Variants in GALNTL6 observed in about 807,000 individuals in gnomAD.
GALNTL6 encodes polypeptide N-acetylgalactosaminyltransferase like 6, also known as polypeptide N-acetylgalactosaminyltransferase-like 6.
In GALNTL6, 46 loss-of-function variants were observed where a neutral mutation model predicts 73.7. The ratio of observed to expected loss-of-function variants is 0.62; its 90% CI spans 0.49 to 0.80. The LOEUF is 0.80. Among genes scored for constraint, GALNTL6 ranks in the 30% least tolerant of loss-of-function variants. The pLI, the probability that GALNTL6 is intolerant of heterozygous loss-of-function variation, is 0.00. For synonymous variants in GALNTL6, 259 were observed against 263.7 expected (o/e 0.98, Z 0.17); for missense variants, 604 against 755.0 (o/e 0.80, Z 2.34).
chr4:172,144,115 C>T (rs143495590), intron 2 of GALNTL6, among the ~76,000 whole-genome samples: 43 of 152,210 alleles, frequency 2.8e-4, no homozygotes, highest in African/African-American at 9.9e-4. Context: ...GAATACAAGC[C>T]AGTAGATAAA....
At chr4:172,588,540 A>AG (rs202165934) in intron 5 of GALNTL6, among the ~76,000 whole-genome samples, 4,637 of 152,072 alleles carry the variant, frequency 0.03, 109 homozygotes, top group South Asian at 0.088. Context: ...CTCAAAAAAA[A>AG]AAAAAAGAAA....
intron 2 of GALNTL6, among the ~76,000 whole-genome samples, chr4:171,922,971 T>G (rs79349721): frequency 0.034 from 5,212 of 152,158 alleles, 270 homozygotes; most frequent in African/African-American, 0.11. Flanking sequence ...AAACCCCAAA[T>G]TACTTCATTG....
At chr4:172,323,290 A>G (rs1740822324) in intron 4 of GALNTL6, among the ~76,000 whole-genome samples, 1 of 152,162 alleles carries the variant, frequency 6.6e-6, no homozygotes, top group African/African-American at 2.4e-5. Context: ...AGACCTGTCA[A>G]AAGCAAAATA....
intron 5 of GALNTL6, among the ~76,000 whole-genome samples, chr4:172,429,268 G>A (rs939697156): frequency 1.0e-4 from 15 of 149,790 alleles, no homozygotes; most frequent in African/African-American, 3.7e-4. Flanking sequence ...CTGGTGTGCA[G>A]TGGCGTGATC....
At chr4:171,945,744 C>A (rs1035648453) in intron 2 of GALNTL6, among the ~76,000 whole-genome samples, 1 of 152,054 alleles carries the variant, frequency 6.6e-6, no homozygotes, top group South Asian at 2.1e-4. Flanking sequence ...GGAAGGTACA[C>A]TGCAAGCAAA....
chr4:172,722,575 G>T (rs796556907), intron 5 of GALNTL6, among the ~76,000 whole-genome samples: 7 of 151,874 alleles, frequency 4.6e-5, no homozygotes, highest in African/African-American at 1.7e-4. Context: ...AAATGCATGT[G>T]AATATACACA....
chr4:172,177,819 G>GCACACACATATATGTGTGTA (rs1735088104), intron 2 of GALNTL6, among the ~76,000 whole-genome samples: 1 of 131,390 alleles, frequency 7.6e-6, no homozygotes, highest in Non-Finnish European at 1.6e-5. Context: ...ATATGTGTGT[G>GCACACACATATATGTGTGTA]TATATATACA....
At chr4:172,071,779 T>A (rs537346940) in intron 2 of GALNTL6, among the ~76,000 whole-genome samples, 1 of 41,316 alleles carries the variant, frequency 2.4e-5, no homozygotes, top group Non-Finnish European at 5.9e-5. Context: ...TGGGAAAGCT[T>A]TATTATGGAA....
At chr4:172,841,432 G>C (rs997091660) in intron 7 of GALNTL6, among the ~76,000 whole-genome samples, 6 of 152,118 alleles carry the variant, frequency 3.9e-5, no homozygotes, top group African/African-American at 1.4e-4. Flanking sequence ...CTACTATTTG[G>C]TTCCCAGGCA....
At chr4:172,465,464 G>A (rs746813104) in intron 5 of GALNTL6, among the ~76,000 whole-genome samples, 3 of 151,592 alleles carry the variant, frequency 2.0e-5, no homozygotes, top group African/African-American at 7.3e-5. Context: ...GCGACAGAGC[G>A]AGAATCCGTC....
chr4:172,321,815 CAT>C (rs1269865146), intron 4 of GALNTL6, among the ~76,000 whole-genome samples: 1 of 152,122 alleles, frequency 6.6e-6, no homozygotes, highest in Non-Finnish European at 1.5e-5. Context: ...AGGCAACCAT[CAT>C]GTGATGGTCA....
In GALNTL6 at chr4:172,926,424, A is replaced by G. The variant is rs17059027; in HGVS notation, c.1042-4737A>G. Among the ~76,000 whole-genome samples the G allele has an allele frequency of 8.5e-3, 1,300 of 152,270 alleles. 22 individuals carry two copies. The highest frequency in any genetic ancestry group is 0.028 in the African/African-American group (1,145 of 41,540). On this transcript the variant is annotated intron_variant, in intron 8 of 12. Transcript: ENST00000506823. ...TATTACGGCACTTTTCATTCCGCAA[A>G]TACTCTCCTAAGATGCATTTAGTTC...
At chr4:172,557,098 C>T (rs1033402649) in intron 5 of GALNTL6, among the ~76,000 whole-genome samples, 1 of 152,066 alleles carries the variant, frequency 6.6e-6, no homozygotes, top group Non-Finnish European at 1.5e-5. Flanking sequence ...ACTTATGTAA[C>T]CCTTTCGTTG....
chr4:172,834,056 G>T (rs1365200581), intron 7 of GALNTL6, among the ~76,000 whole-genome samples: 1 of 152,212 alleles, frequency 6.6e-6, no homozygotes, highest in Non-Finnish European at 1.5e-5. Flanking sequence ...GACGGAGGTT[G>T]CAGTGAGCTG....
chr4:172,843,706 A>G (rs1743340957), intron 7 of GALNTL6, among the ~76,000 whole-genome samples: 1 of 152,222 alleles, frequency 6.6e-6, no homozygotes, highest in Admixed American at 6.5e-5. Flanking sequence ...ATGCATCACA[A>G]AAGAAATGAC....
intron 12 of GALNTL6, among the ~76,000 whole-genome samples, chr4:173,035,180 C>CT (rs5864181): frequency 0.32 from 43,230 of 136,494 alleles, 7,300 homozygotes; most frequent in African/African-American, 0.4. Context: ...GTGCCATGCT[C>CT]TTTTTTTTTT....
intron 5 of GALNTL6, among the ~76,000 whole-genome samples, chr4:172,448,325 A>ATT (rs1732098537): frequency 6.6e-6 from 1 of 152,182 alleles, no homozygotes; most frequent in Admixed American, 6.6e-5. Flanking sequence ...CTCAGCAATC[A>ATT]TTTTAATGCT....
At chr4:172,099,638 T>C (rs1172317607) in intron 2 of GALNTL6, among the ~76,000 whole-genome samples, 1 of 152,154 alleles carries the variant, frequency 6.6e-6, no homozygotes, top group African/African-American at 2.4e-5. Flanking sequence ...TCTTTAAATT[T>C]TCTTCTGGCT....
At position 171,859,277 on chromosome 4, in the gene GALNTL6, A is replaced by G. The variant is rs147906274; in HGVS notation, c.138+44559A>G. On this transcript the variant is annotated intron_variant, in intron 2 of 12. Transcript: ENST00000506823. ...ACAGTGGTTATCCAGGCAGTTCATA[A>G]TATGCTTATTGTGTTATTTATATTT... is the stretch of plus-strand genomic sequence containing the variant. 5.5e-3 allele frequency among the ~76,000 whole-genome samples: 840 copies of G among 152,326 alleles called. 8 individuals carry two copies. Among genetic ancestry groups the G allele is most frequent in the Middle Eastern group, 0.01 (3 of 294 alleles).
Sources: allele counts gnomAD v4.1 joint callset (sites outside exome capture counted in the v4.1 genomes callset), GRCh38; gene constraint gnomAD v4.1.1; transcripts MANE v1.5; gene names NCBI Gene and HGNC (gene_info 2026-07-23, HGNC 2026-07-21).